Variants in HDAC9 observed in about 807,000 individuals in gnomAD.
HDAC9 encodes the protein MEF-2 interacting transcription repressor (MITR) protein.
HDAC9 carries 41 observed loss-of-function variants against 139.4 expected under a neutral mutation model. The ratio of observed to expected loss-of-function variants is 0.29; its 90% CI spans 0.23 to 0.38. The LOEUF (loss-of-function observed/expected upper bound fraction) is 0.38, where lower values mean the gene tolerates loss of function less well. Among genes scored for constraint, HDAC9 ranks in the 10% least tolerant of loss-of-function variants. HDAC9 has a pLI of 1.00. For missense variants in HDAC9, 1,147 were observed against 1,297.0 expected (o/e 0.88, Z 1.78); for synonymous variants, 517 against 476.2 (o/e 1.09, Z -1.12).
At chr7:18,936,130 C>G (rs1430854238) in intron 23 of HDAC9, among the ~76,000 whole-genome samples, 188 bp downstream of exon 23, 1 of 152,168 alleles carries the variant, frequency 6.6e-6, no homozygotes, top group Non-Finnish European at 1.5e-5. Flanking sequence ...GGTACAGAAT[C>G]CACATAGCAC....
At chr7:18,828,835 A>G (rs542787008) in intron 17 of HDAC9, among the ~76,000 whole-genome samples, 2 of 152,330 alleles carry the variant, frequency 1.3e-5, no homozygotes, top group Admixed American at 6.5e-5. Flanking sequence ...TTGATGTCAT[A>G]AAATAAGGAG....
At chr7:18,323,170 A>G (rs1360462846) in intron 1 of HDAC9, among the ~76,000 whole-genome samples, 2 of 152,182 alleles carry the variant, frequency 1.3e-5, no homozygotes, top group Admixed American at 1.3e-4. Flanking sequence ...CCTTGGAGTT[A>G]TCTTTGAACC....
At chr7:18,547,471 G>T (rs1327846896) in intron 2 of HDAC9, among the ~76,000 whole-genome samples, 1 of 152,210 alleles carries the variant, frequency 6.6e-6, no homozygotes, top group Non-Finnish European at 1.5e-5. Flanking sequence ...TCCTGACCTT[G>T]TGATCTGCCC....
intron 1 of HDAC9, among the ~76,000 whole-genome samples, chr7:18,138,864 C>A (rs994556077): frequency 2.0e-5 from 3 of 152,186 alleles, no homozygotes; most frequent in East Asian, 3.9e-4. Context: ...GTACTGGATT[C>A]TCTTTATTAT....
chr7:18,549,643 T>C (rs1407633774), intron 2 of HDAC9, among the ~76,000 whole-genome samples: 3 of 152,216 alleles, frequency 2.0e-5, no homozygotes, highest in African/African-American at 7.2e-5. Context: ...TTATATAAGA[T>C]GTAACCATTG....
At chr7:18,356,199 T>C (rs756388307) in intron 1 of HDAC9, among the ~76,000 whole-genome samples, 12 of 152,068 alleles carry the variant, frequency 7.9e-5, no homozygotes, top group Admixed American at 1.3e-4. Context: ...TTCCCGTACA[T>C]GATATTAATT....
intron 2 of HDAC9, among the ~76,000 whole-genome samples, chr7:18,231,972 C>T (rs942861042): frequency 6.6e-6 from 1 of 152,048 alleles, no homozygotes; most frequent in African/African-American, 2.4e-5. Context: ...AATGAGTTAA[C>T]ATTGTTGTAA....
intron 1 of HDAC9, among the ~76,000 whole-genome samples, chr7:18,391,406 T>A (rs1585570431): frequency 1.3e-5 from 2 of 151,270 alleles, no homozygotes; most frequent in South Asian, 2.1e-4. Flanking sequence ...AAAAAGAAAG[T>A]AAAAAAGAAG....
In HDAC9 at chr7:18,996,270, T is replaced by C. The variant is rs1786457579; in HGVS notation, c.*208T>C. The C allele has an allele frequency of 1.6e-5, 8 of 486,062 alleles. No homozygotes were observed. In the South Asian group the frequency reaches 1.9e-4, roughly 11 times the overall value. The allele number at this position is 486,062 out of a possible 1,614,324, so 30.1% of individuals were successfully genotyped here. ...AAAGATTCCTTAAACGTAACCGCTG[T>C]GATTCTAGAGTTACAGTAAACCACG... is the stretch of plus-strand genomic sequence containing the variant. On this transcript the variant is annotated 3_prime_UTR_variant, in exon 26 of 26. Coordinates refer to ENST00000686413, the MANE Select transcript of HDAC9 (RefSeq NM_178425.4).
intron 8 of HDAC9, among the ~76,000 whole-genome samples, chr7:18,637,767 T>C (rs78145574): frequency 0.012 from 1,857 of 152,148 alleles, 31 homozygotes; most frequent in African/African-American, 0.043. Context: ...CCCTGATGGC[T>C]AACATGTGGT....
rs1786339101 is a variant in HDAC9, at chr7:18,732,846, C to T, written c.1909+5089C>T. On this transcript the variant is annotated intron_variant, in intron 13 of 25. Coordinates refer to ENST00000686413, the MANE Select transcript of HDAC9 (RefSeq NM_178425.4). ...GTATGTGTGCGTATGTGTACACACA[C>T]GTGTGTATGTGTGCGTATGTGTACA... Among the ~76,000 whole-genome samples, 2 of 65,042 alleles carry T rather than the reference C, an allele frequency of 3.1e-5. 1 individual carries two copies. Among genetic ancestry groups the T allele is most frequent in the Non-Finnish European group, 6.1e-5 (2 of 32,786 alleles). The allele number at this position is 65,042 out of a possible 152,430, so 42.7% of individuals were successfully genotyped here.
chr7:18,849,442 T>C (rs1797125216), intron 21 of HDAC9, among the ~76,000 whole-genome samples: 1 of 152,196 alleles, frequency 6.6e-6, no homozygotes, highest in Admixed American at 6.6e-5. Flanking sequence ...AAAATTATAG[T>C]AAATTGGTAA....
At chr7:18,758,178 C>T (rs186871692) in intron 14 of HDAC9, among the ~76,000 whole-genome samples, 7 of 152,230 alleles carry the variant, frequency 4.6e-5, no homozygotes, top group African/African-American at 9.6e-5. Flanking sequence ...ATTTAAGACC[C>T]GTATTGACTC....
At chr7:18,481,722 T>C (rs1795566017) in intron 1 of HDAC9, among the ~76,000 whole-genome samples, 1 of 152,208 alleles carries the variant, frequency 6.6e-6, no homozygotes, top group Non-Finnish European at 1.5e-5. Flanking sequence ...AAATTATACA[T>C]GACAAATGAT....
chr7:18,173,407 A>G (rs1042315416), intron 2 of HDAC9, among the ~76,000 whole-genome samples: 4 of 152,000 alleles, frequency 2.6e-5, no homozygotes, highest in East Asian at 1.9e-4. Context: ...TCTTTATCCA[A>G]TTTGCCAGTG....
chr7:18,829,739 A>T (rs1232169601), intron 19 of HDAC9, among the ~76,000 whole-genome samples, 191 bp downstream of exon 19: 2 of 152,234 alleles, frequency 1.3e-5, no homozygotes, highest in Non-Finnish European at 2.9e-5. Flanking sequence ...TTTCACTTTC[A>T]TGGTGTTAAC....
At chr7:18,522,602 A>C (rs1307853041) in intron 2 of HDAC9, among the ~76,000 whole-genome samples, 2 of 150,912 alleles carry the variant, frequency 1.3e-5, no homozygotes, top group Non-Finnish European at 3.0e-5. Context: ...TTTAAAAAAA[A>C]CAAAAAACAA....
intron 1 of HDAC9, among the ~76,000 whole-genome samples, chr7:18,477,391 G>A (rs1795192717): frequency 6.6e-6 from 1 of 152,034 alleles, no homozygotes; most frequent in Admixed American, 6.5e-5. Flanking sequence ...TCAGTTATGT[G>A]TGCGTGCGTG....
At chr7:18,648,930 A>G (rs955281561) in intron 11 of HDAC9, among the ~76,000 whole-genome samples, 1 of 152,176 alleles carries the variant, frequency 6.6e-6, no homozygotes, top group Non-Finnish European at 1.5e-5. Context: ...ATGATCAGGT[A>G]TATATTTTGG....
Sources: allele counts gnomAD v4.1 joint callset (sites outside exome capture counted in the v4.1 genomes callset), GRCh38; gene constraint gnomAD v4.1.1; transcripts MANE v1.5; gene names NCBI Gene and HGNC (gene_info 2026-07-23, HGNC 2026-07-21).